The following EML6 variants were observed in gnomAD, a reference collection of about 807,000 sequenced individuals.
EML6 encodes echinoderm microtubule-associated protein-like 6.
EML6 carries 154 observed loss-of-function variants against 240.1 expected under a neutral mutation model. That is an observed-to-expected ratio of 0.64 (90% CI 0.56 to 0.73). The LOEUF (loss-of-function observed/expected upper bound fraction) is 0.73, where lower values mean the gene tolerates loss of function less well. EML6 is among the 30% of genes least tolerant of loss of function. EML6 has a pLI of 0.00. For synonymous variants in EML6, 1,148 were observed against 899.0 expected (o/e 1.28, Z -4.95); for missense variants, 2,964 against 2,474.6 (o/e 1.20, Z -4.20).
At position 54,894,784 on chromosome 2, in the gene EML6, G is replaced by C. The variant is rs142882798; in HGVS notation, c.2743-131G>C. ...TTATTCGAACATTGTTATCACCAGA[G>C]TTTTCCATCTCATATATTTAGGAAG... On this transcript the variant is annotated intron_variant, in intron 19 of 41. Transcript: ENST00000356458. The C allele has an allele frequency of 5.9e-4, 359 of 611,026 alleles. 1 individual carries two copies. In the African/African-American group the frequency reaches 5.9e-3, roughly 10 times the overall value. 37.9% of individuals were successfully genotyped at this position (611,026 alleles called of 1,614,324 possible). A position where few individuals can be genotyped will look rare whatever the true frequency, so the allele number is the denominator to read the frequency against.
At chr2:54,916,070 G>A (rs1015644818) in intron 25 of EML6, among the ~76,000 whole-genome samples, 1 of 152,170 alleles carries the variant, frequency 6.6e-6, no homozygotes, top group African/African-American at 2.4e-5. Flanking sequence ...AAAGATTCAT[G>A]GCAATAGAAT....
chr2:54,892,523 C>A lies in EML6; in HGVS notation c.2609C>A (p.Ser870Tyr). The A allele has an allele frequency of 1.9e-6, 3 of 1,551,464 alleles. No homozygotes were observed. The highest frequency in any genetic ancestry group is 2.6e-6 in the Non-Finnish European group (3 of 1,146,822). ...AAATTGGAAACAATGATGTGTGTTT[C>A]TTACGGACGAATGGAAGATCTAGTG... ...VGKLETMMCV[S>Y]YGRMEDLVFS... The change falls in exon 19 of 42, where the codon TCT becomes TAT. Residue 870 changes from serine to tyrosine, a missense_variant. Ser to Tyr is a moderately radical substitution (Grantham distance 144). Coordinates refer to ENST00000356458, the MANE Select transcript of EML6 (RefSeq NM_001039753.4).
intron 2 of EML6, among the ~76,000 whole-genome samples, chr2:54,789,425 A>C (rs1029025803): frequency 1.4e-5 from 2 of 141,944 alleles, no homozygotes; most frequent in African/African-American, 2.5e-5. Flanking sequence ...GAGGCAGGAG[A>C]ATGGCGTGAA....
intron 26 of EML6, among the ~76,000 whole-genome samples, chr2:54,922,720 A>G (rs548867479): frequency 2.6e-5 from 4 of 152,274 alleles, no homozygotes; most frequent in African/African-American, 9.6e-5. Context: ...ATTCACATAA[A>G]AAAGAAGGAA....
intron 7 of EML6, among the ~76,000 whole-genome samples, chr2:54,833,658 G>C (rs748616140): frequency 2.0e-5 from 3 of 152,202 alleles, no homozygotes; most frequent in African/African-American, 7.2e-5. Flanking sequence ...CTCACATGAT[G>C]AGGAGGGCCA....
intron 2 of EML6, among the ~76,000 whole-genome samples, chr2:54,792,213 A>G (rs934433707): frequency 3.3e-5 from 5 of 152,122 alleles, no homozygotes; most frequent in African/African-American, 7.2e-5. Flanking sequence ...TCTTATTTCT[A>G]TTGTGTTGGG....
At chr2:54,842,397 T>C (rs1669508117) in intron 7 of EML6, among the ~76,000 whole-genome samples, 2 of 152,258 alleles carry the variant, frequency 1.3e-5, no homozygotes, top group African/African-American at 2.4e-5. Context: ...AATTTAGTTT[T>C]AGAGCCTCTT....
At chr2:54,934,455 T>A (rs992130152) in intron 28 of EML6, among the ~76,000 whole-genome samples, 1 of 152,058 alleles carries the variant, frequency 6.6e-6, no homozygotes, top group Non-Finnish European at 1.5e-5. Flanking sequence ...AGACCCACAT[T>A]TCAGGTCAAT....
At chr2:54,731,711 A>G (rs189321307) in intron 2 of EML6, among the ~76,000 whole-genome samples, 7 of 152,240 alleles carry the variant, frequency 4.6e-5, no homozygotes, top group Admixed American at 3.3e-4. Context: ...GAACTATACT[A>G]TCTTATAAAG....
chr2:54,788,730 T>C (rs1407645319), intron 2 of EML6, among the ~76,000 whole-genome samples: 3 of 152,244 alleles, frequency 2.0e-5, no homozygotes, highest in African/African-American at 4.8e-5. Context: ...GAAACGGTGG[T>C]GAACACTAAT....
At chr2:54,929,939 G>C (rs1186417451) in intron 28 of EML6, among the ~76,000 whole-genome samples, 1 of 152,024 alleles carries the variant, frequency 6.6e-6, no homozygotes, top group Non-Finnish European at 1.5e-5. Context: ...TGGTTTTAAA[G>C]TGGCCACAAA....
rs1454614722 is a variant in EML6, at chr2:54,948,871, C to G, written c.4005-11C>G. On this transcript the variant is annotated splice_polypyrimidine_tract_variant and intron_variant, in intron 28 of 41. Coordinates refer to ENST00000356458, the MANE Select transcript of EML6 (RefSeq NM_001039753.4). ...CAATGCTGTGCTTCCTCTGGCCGCT[C>G]TCTCTTCCAGACCACCCGTTAGCCG... 7.1e-6 allele frequency: 11 copies of G among 1,549,828 alleles called. No individual in the cohort carries two copies. The highest frequency in any genetic ancestry group is 3.6e-5 in the South Asian group (3 of 84,036).
chr2:54,771,062 A>G (rs531558332), intron 2 of EML6, among the ~76,000 whole-genome samples: 169 of 152,264 alleles, frequency 1.1e-3, no homozygotes, highest in African/African-American at 3.9e-3. Flanking sequence ...CTGGATGACA[A>G]TGTCAAGTGG....
chr2:54,918,963 C>A (rs1674075841), intron 26 of EML6, among the ~76,000 whole-genome samples: 1 of 152,154 alleles, frequency 6.6e-6, no homozygotes, highest in African/African-American at 2.4e-5. Flanking sequence ...ATTACATTAC[C>A]TCATGAATCA....
intron 22 of EML6, among the ~76,000 whole-genome samples, chr2:54,902,038 CAG>C: frequency 6.6e-6 from 1 of 152,290 alleles, no homozygotes; most frequent in Non-Finnish European, 1.5e-5. Flanking sequence ...CTTCGCGTGA[CAG>C]AAGAGGCAAG....
intron 34 of EML6, 80 bp from the exon 35 acceptor site, chr2:54,960,140 G>T (rs1323512698): frequency 4.7e-6 from 5 of 1,057,682 alleles, no homozygotes; most frequent in Admixed American, 2.0e-5. Context: ...TGATGACTGG[G>T]AAAGAGGGGA....
rs1449322648 is a variant in EML6 at position 54,859,601 on chromosome 2, T to G, written c.1725T>G (p.Phe575Leu). 6.4e-7 allele frequency: 1 copy of G among 1,551,352 alleles called. No individual in the cohort carries two copies. The highest frequency in any genetic ancestry group is 2.4e-5 in the East Asian group (1 of 40,928). ...HVTNVRWSHD[F>L]QWVLSTGGAD... ...CAAATGTCCGCTGGTCCCATGACTT[T>G]CAGTGGGTGTTGAGCACAGGAGGGG... The change falls in exon 12 of 42, where the codon TTT becomes TTG. Residue 575 changes from phenylalanine to leucine, a missense_variant. Phe to Leu is a conservative substitution (Grantham distance 22). Coordinates refer to ENST00000356458, the MANE Select transcript of EML6 (RefSeq NM_001039753.4).
Position 54,853,803 on chromosome 2 carries a change from T to G in EML6, c.1605T>G (p.Ser535=). 1 of 1,551,586 alleles carries G rather than the reference T, an allele frequency of 6.4e-7. No individual in the cohort carries two copies. The highest frequency in any genetic ancestry group is 8.7e-7 in the Non-Finnish European group (1 of 1,146,924). Residue 535 remains serine (S), a synonymous_variant, in exon 11 of 42, where the codon TCT becomes TCG. Coordinates refer to ENST00000356458, the MANE Select transcript of EML6 (RefSeq NM_001039753.4). ...ATTACAACAGCTCAGTGCTGGTGTC[T>G]GGAGATGATTTTGGACTGGTTAAAT... The part of the protein sequence containing the change: ...DANYNSSVLV[S]GDDFGLVKLF...
chr2:54,768,045 A>G (rs529378799), intron 2 of EML6, among the ~76,000 whole-genome samples: 1 of 152,272 alleles, frequency 6.6e-6, no homozygotes, highest in Non-Finnish European at 1.5e-5. Flanking sequence ...AGTTTCTTTC[A>G]TTGGTTCAGA....
Sources: allele counts gnomAD v4.1 joint callset (sites outside exome capture counted in the v4.1 genomes callset), GRCh38; gene constraint gnomAD v4.1.1; transcripts MANE v1.5; gene names NCBI Gene and HGNC (gene_info 2026-07-23, HGNC 2026-07-21).